The following TUBB8 variants were observed in gnomAD, a reference collection of about 807,000 sequenced individuals.
The protein encoded by TUBB8 is tubulin beta 8 class VIII, also known as tubulin beta-8 chain.
In TUBB8, 25 loss-of-function variants were observed where a neutral mutation model predicts 33.7. The observed-to-expected ratio is 0.74, with a 90% CI of 0.54 to 1.04. The LOEUF (loss-of-function observed/expected upper bound fraction) is 1.04, where lower values mean the gene tolerates loss of function less well. Among genes scored for constraint, TUBB8 ranks in the 50% least tolerant of loss-of-function variants. The pLI is 0.00. For missense variants in TUBB8, 279 were observed against 608.0 expected (o/e 0.46, Z 5.69); for synonymous variants, 245 against 240.1 (o/e 1.02, Z -0.19).
intron 1 of TUBB8, among the ~76,000 whole-genome samples, chr10:58,402 G>A (rs1427595002): frequency 6.6e-6 from 1 of 152,090 alleles, no homozygotes. Context: ...CCACTCCTTT[G>A]TGCCAATTTT....
At chr10:70,815 C>T (rs1834726912) in intron 1 of TUBB8, among the ~76,000 whole-genome samples, 1 of 152,002 alleles carries the variant, frequency 6.6e-6, no homozygotes. Flanking sequence ...TGCACTCCAG[C>T]ATGGGAGACA....
intron 1 of TUBB8, among the ~76,000 whole-genome samples, chr10:69,324 A>C (rs1286234210): frequency 6.6e-6 from 1 of 152,106 alleles, no homozygotes; most frequent in African/African-American, 2.4e-5. Context: ...CGAGTATTTA[A>C]TGCATGTTCC....
chr10:62,232 T>C (rs1834611923), intron 1 of TUBB8, among the ~76,000 whole-genome samples: 2 of 152,378 alleles, frequency 1.3e-5, no homozygotes, highest in Middle Eastern at 3.4e-3. Context: ...ATCTAATTTA[T>C]TGCTTTTTAC....
At position 49,264 on chromosome 10, in the gene TUBB8, G is replaced by C. The variant is rs560614954; in HGVS notation, c.-26C>G. 2,446 of 1,573,154 alleles carry C rather than the reference G, an allele frequency of 1.6e-3. 10 individuals are homozygous for C. The highest frequency in any genetic ancestry group is 5.3e-3 in the Middle Eastern group (25 of 4,686). Reference sequence around the variant, plus strand: ...GGCCAAGGCGGGATTAGGACGGCAGGAGAAACGTGAGAAGGAGGAGCAGAC... The same window carrying C: ...GGCCAAGGCGGGATTAGGACGGCAGCAGAAACGTGAGAAGGAGGAGCAGAC... On this transcript the variant is annotated 5_prime_UTR_variant, in exon 1 of 4. Coordinates refer to ENST00000568584, the MANE Select transcript of TUBB8 (RefSeq NM_177987.3).
At chr10:71,505 C>T (rs1191561839) in intron 1 of TUBB8, among the ~76,000 whole-genome samples, 1 of 151,860 alleles carries the variant, frequency 6.6e-6, no homozygotes, top group African/African-American at 2.4e-5. Flanking sequence ...CCTGTAATCC[C>T]AGCTACTTGG....
At chr10:56,032 A>G (rs1413508302) in intron 1 of TUBB8, among the ~76,000 whole-genome samples, 10 of 152,314 alleles carry the variant, frequency 6.6e-5, no homozygotes, top group African/African-American at 2.2e-4. Context: ...TGTCATTGTT[A>G]TTTTGATACA....
At chr10:73,963 C>A in intron 1 of TUBB8, 1 of 156,586 alleles carries the variant, frequency 6.4e-6, no homozygotes. Flanking sequence ...GAAGCCTTTT[C>A]CTCACTTTTG....
At chr10:69,436 G>A (rs1212507623) in intron 1 of TUBB8, among the ~76,000 whole-genome samples, 1 of 152,168 alleles carries the variant, frequency 6.6e-6, no homozygotes, top group African/African-American at 2.4e-5. Flanking sequence ...CAGTAGTAAA[G>A]TTAATAATGT....
At chr10:56,975 T>A in intron 1 of TUBB8, among the ~76,000 whole-genome samples, 1 of 152,028 alleles carries the variant, frequency 6.6e-6, no homozygotes, top group Non-Finnish European at 1.5e-5. Flanking sequence ...ACTTCCAAGA[T>A]AAAAATGGGG....
At chr10:64,648 T>C (rs1405361927) in intron 1 of TUBB8, among the ~76,000 whole-genome samples, 12 of 152,198 alleles carry the variant, frequency 7.9e-5, no homozygotes, top group Non-Finnish European at 1.6e-4. Flanking sequence ...TGCATATTCA[T>C]TCTGTCATAC....
At chr10:69,108 A>G (rs1409204020) in intron 1 of TUBB8, among the ~76,000 whole-genome samples, 1 of 152,214 alleles carries the variant, frequency 6.6e-6, no homozygotes, top group Non-Finnish European at 1.5e-5. Context: ...TCTCATTTTC[A>G]AACCCAAGGT....
At chr10:57,274 G>A (rs1834543773) in intron 1 of TUBB8, among the ~76,000 whole-genome samples, 1 of 152,224 alleles carries the variant, frequency 6.6e-6, no homozygotes, top group South Asian at 2.1e-4. Flanking sequence ...CAAAGTGCAA[G>A]CTGTAGCTAG....
chr10:73,404 G>A (rs1426548664), intron 1 of TUBB8, among the ~76,000 whole-genome samples: 3 of 152,226 alleles, frequency 2.0e-5, no homozygotes, highest in Non-Finnish European at 4.4e-5. Context: ...ACTTTGGGAG[G>A]CCGAGGTGGG....
At chr10:63,656 CTTTAAA>C (rs1176516560) in intron 1 of TUBB8, among the ~76,000 whole-genome samples, 7 of 130,738 alleles carry the variant, frequency 5.4e-5, no homozygotes, top group Non-Finnish European at 9.8e-5. Context: ...TAAATCTTAT[CTTTAAA>C]TTTATCTGAT....
chr10:47,819 C>T lies in TUBB8; in HGVS notation c.573G>A (p.Gln191=), dbSNP rs782061824. ...AGGTCTCATCTGCGTTTTCTATGAGCTGGTGGACTGAGAGGGTGGCGTTGT... is the reference window on the plus strand; with the variant it reads ...AGGTCTCATCTGCGTTTTCTATGAGTTGGTGGACTGAGAGGGTGGCGTTGT... ...EPYNATLSVH[Q]LIENADETFC... is the part of the protein sequence containing the mutation. The change falls in exon 4 of 4, where the codon CAG becomes CAA. Residue 191 remains glutamine, a synonymous_variant. Coordinates refer to ENST00000568584, the MANE Select transcript of TUBB8 (RefSeq NM_177987.3). The T allele has an allele frequency of 1.2e-6, 2 of 1,614,260 alleles. No homozygotes were observed. The highest frequency in any genetic ancestry group is 4.5e-5 in the East Asian group (2 of 44,892).
chr10:74,013 C>T (rs1834773434), exon 1 of TUBB8: 1 of 156,662 alleles, frequency 6.4e-6, no homozygotes, highest in South Asian at 2.1e-4. Flanking sequence ...TCCCTGTCCT[C>T]ACAGCGGACG....
At position 47,757 on chromosome 10, in the gene TUBB8, G is replaced by C. The variant is rs1367411775; in HGVS notation, c.635C>G (p.Ser212Cys). The C allele has an allele frequency of 1.9e-6, 3 of 1,613,794 alleles. No individual in the cohort carries two copies. Among genetic ancestry groups the C allele is most frequent in the Non-Finnish European group, 2.5e-6 (3 of 1,180,042 alleles). ...GGGTGTGGGCAGTTTTAGGGTCTTG[G>C]AACATATGTCATACAGAGCTTCGTT... is the stretch of plus-strand genomic sequence containing the variant. ...IDNEALYDIC[S>C]KTLKLPTPTY... Residue 212 changes from serine (S) to cysteine (C), a missense_variant, in exon 4 of 4, where the codon TCC becomes TGC. Physicochemically the swap from Ser to Cys is moderately radical, Grantham distance 112. Transcript: ENST00000568584.
upstream of TUBB8, among the ~76,000 whole-genome samples, chr10:53,662 T>A (rs1190992174): frequency 6.6e-6 from 1 of 152,246 alleles, no homozygotes; most frequent in Non-Finnish European, 1.5e-5. Flanking sequence ...ACAGTGTTTA[T>A]CTCCAGAGTA....
chr10:55,778 GT>G (rs578124930), intron 1 of TUBB8, among the ~76,000 whole-genome samples: 172 of 152,268 alleles, frequency 1.1e-3, no homozygotes, highest in African/African-American at 4.0e-3. Flanking sequence ...CAACACTTTT[GT>G]TCAAAATAAG....
Sources: gnomAD v4.1 joint callset for allele counts (sites outside exome capture counted in the v4.1 genomes callset) on GRCh38, gnomAD v4.1.1 for gene constraint, MANE v1.5 for transcripts, NCBI Gene and HGNC (gene_info 2026-07-23, HGNC 2026-07-21) for gene names.